Variants in KIFAP3 observed in about 807,000 individuals in gnomAD.
KIFAP3 encodes the protein kinesin-associated protein 3.
A neutral mutation model predicts 106.5 loss-of-function variants in KIFAP3; 68 were observed. The ratio of observed to expected loss-of-function variants is 0.64; its 90% CI spans 0.53 to 0.78. The LOEUF is 0.78. Ranked by LOEUF, KIFAP3 falls within the 30% of genes least tolerant of loss-of-function variation. KIFAP3 has a pLI of 0.00. For synonymous variants in KIFAP3, 320 were observed against 311.5 expected (o/e 1.03, Z -0.29); for missense variants, 780 against 941.8 (o/e 0.83, Z 2.25).
chr1:169,998,180 T>A (rs1157591882), intron 10 of KIFAP3, among the ~76,000 whole-genome samples: 1 of 151,888 alleles, frequency 6.6e-6, no homozygotes, highest in Non-Finnish European at 1.5e-5. Flanking sequence ...GTCATGGAGA[T>A]GATGGGCTAT....
chr1:170,035,392 T>A, intron 6 of KIFAP3, 62 bp downstream of exon 6: 2 of 984,248 alleles, frequency 2.0e-6, no homozygotes, highest in South Asian at 3.4e-5. Context: ...ATTGAATCAA[T>A]GACACAGACA....
In KIFAP3 at chr1:169,921,714, G is replaced by A. The variant is rs766097860; in HGVS notation, c.2341C>T (p.Arg781Cys). Residue 781 changes from arginine to cysteine, a missense_variant, in exon 20 of 20, where the codon CGC (arginine) becomes TGC (cysteine). This residue lies in a region of KIFAP3 where 114 missense variants were observed against 122.3 expected (regional missense o/e 0.93). Transcript: ENST00000361580. Reference protein sequence around the residue: ...LGRPATAYGFRPDEPYYYGYG... With the variant: ...LGRPATAYGFCPDEPYYYGYG... The stretch of plus-strand genomic sequence containing the variant: ...CCATAGTAGTAAGGTTCATCAGGGC[G>A]GAATCCATATGCTGTGGCAGGGCGT... The A allele has an allele frequency of 1.8e-5, 29 of 1,613,602 alleles. No individual in the cohort carries two copies. Among genetic ancestry groups the A allele is most frequent in the South Asian group, 8.8e-5 (8 of 91,064 alleles).
At position 169,972,949 on chromosome 1, in the gene KIFAP3, T is replaced by A. The variant is rs142311502; in HGVS notation, c.1898-351A>T. Among the ~76,000 whole-genome samples, 64 of 151,328 alleles carry A rather than the reference T, an allele frequency of 4.2e-4. 3 individuals are homozygous for A. The East Asian group carries it at 0.012, about 29-fold the overall frequency. On this transcript the variant is annotated intron_variant, in intron 16 of 19. Transcript: ENST00000361580. ...GTAGCTATAAATGCTTCTTGATCTA[T>A]CCTGCTCTCCTAAAAATTCAGGAAA...
At chr1:169,929,161 ATTAAAT>A (rs1403634330) in intron 19 of KIFAP3, among the ~76,000 whole-genome samples, 1 of 152,208 alleles carries the variant, frequency 6.6e-6, no homozygotes, top group Non-Finnish European at 1.5e-5. Context: ...AGCAAGGATT[ATTAAAT>A]TTAAACTTCT....
intron 19 of KIFAP3, among the ~76,000 whole-genome samples, chr1:169,924,552 T>C (rs1201115565): frequency 2.0e-5 from 3 of 152,178 alleles, no homozygotes; most frequent in African/African-American, 7.2e-5. Flanking sequence ...TTTTGTATTA[T>C]GAAAAATCAA....
chr1:170,043,859 G>A lies in KIFAP3; in HGVS notation c.319+2853C>T, dbSNP rs537262525. 3.3e-5 allele frequency among the ~76,000 whole-genome samples: 5 copies of A among 152,218 alleles called. No homozygotes were observed. The South Asian group carries it at 1.0e-3, about 32-fold the overall frequency. ...GTTGAAATAAAGGCCTTAATTGCTG[G>A]TTCCCCCAATATTAAAGGGTACCAA... is the stretch of plus-strand genomic sequence containing the variant. On this transcript the variant is annotated intron_variant, in intron 3 of 19. Transcript: ENST00000361580.
At chr1:169,991,885 T>C (rs1667123920) in intron 11 of KIFAP3, among the ~76,000 whole-genome samples, 1 of 152,178 alleles carries the variant, frequency 6.6e-6, no homozygotes, top group South Asian at 2.1e-4. Flanking sequence ...TATGTAAATA[T>C]TACATATACC....
chr1:169,946,866 A>G (rs1277400136), intron 19 of KIFAP3, among the ~76,000 whole-genome samples: 1 of 152,002 alleles, frequency 6.6e-6, no homozygotes, highest in Non-Finnish European at 1.5e-5. Flanking sequence ...CACAGAAAGA[A>G]AAAAGGGATT....
chr1:170,017,881 A>G (rs1182903196), intron 9 of KIFAP3, among the ~76,000 whole-genome samples: 1 of 152,240 alleles, frequency 6.6e-6, no homozygotes, highest in East Asian at 1.9e-4. Flanking sequence ...AATGAAGGCA[A>G]AAAATTATTT....
At chr1:170,046,111 C>T (rs867689960) in intron 3 of KIFAP3, among the ~76,000 whole-genome samples, 3 of 148,452 alleles carry the variant, frequency 2.0e-5, no homozygotes, top group Non-Finnish European at 4.4e-5. Flanking sequence ...GTCCAAAACC[C>T]TTAAAAACTC....
At chr1:170,048,834 A>T (rs1670415603) in intron 2 of KIFAP3, among the ~76,000 whole-genome samples, 1 of 152,106 alleles carries the variant, frequency 6.6e-6, no homozygotes, top group African/African-American at 2.4e-5. Flanking sequence ...TGCAGTCCGC[A>T]GATCAGGAGA....
In KIFAP3 at chr1:170,024,178, T is replaced by C. The variant is rs187172331; in HGVS notation, c.1020+240A>G. The C allele has an allele frequency of 1.0e-5, 3 of 292,004 alleles. No homozygotes were observed. In the East Asian group the frequency reaches 1.8e-4, roughly 17 times the overall value. The allele number at this position is 292,004 out of a possible 1,614,324, so 18.1% of individuals were successfully genotyped here. ...CAAACTTTCTATATATTATGTTTAA[T>C]ATGGCAAGATCCATTCTATATATTA... is the stretch of plus-strand genomic sequence containing the variant. On this transcript the variant is annotated intron_variant, in intron 9 of 19. Coordinates refer to ENST00000361580, the MANE Select transcript of KIFAP3 (RefSeq NM_014970.4).
At chr1:169,960,389 G>A (rs943481540) in intron 18 of KIFAP3, among the ~76,000 whole-genome samples, 1 of 151,912 alleles carries the variant, frequency 6.6e-6, no homozygotes. Context: ...ATTAATGTTG[G>A]CAACAGTACA....
At chr1:169,998,126 C>T (rs950300405) in intron 10 of KIFAP3, among the ~76,000 whole-genome samples, 1 of 151,798 alleles carries the variant, frequency 6.6e-6, no homozygotes, top group Non-Finnish European at 1.5e-5. Context: ...TTTCAGGTTT[C>T]CTTCTTTTAA....
chr1:169,989,644 A>T (rs1316565701), intron 11 of KIFAP3, among the ~76,000 whole-genome samples: 1 of 152,042 alleles, frequency 6.6e-6, no homozygotes, highest in African/African-American at 2.4e-5. Context: ...TTATCTCTAT[A>T]AGACACCTGC....
intron 19 of KIFAP3, among the ~76,000 whole-genome samples, chr1:169,925,744 G>A (rs374563441): frequency 6.6e-6 from 1 of 152,066 alleles, no homozygotes; most frequent in Admixed American, 6.6e-5. Context: ...AAATTTCTGG[G>A]CCAGAGTTGA....
upstream of KIFAP3, among the ~76,000 whole-genome samples, chr1:170,076,525 TACTC>T (rs1408615863): frequency 1.2e-4 from 18 of 152,276 alleles, no homozygotes; most frequent in Admixed American, 8.5e-4. Context: ...TCCATAATGA[TACTC>T]AACAACATAG....
At chr1:169,938,119 TAAG>T (rs1252255101) in intron 19 of KIFAP3, among the ~76,000 whole-genome samples, 1 of 151,950 alleles carries the variant, frequency 6.6e-6, no homozygotes, top group Admixed American at 6.6e-5. Flanking sequence ...TGGGACATTA[TAAG>T]AGTTGCTTTT....
chr1:170,069,630 G>C (rs1396477878), intron 1 of KIFAP3, among the ~76,000 whole-genome samples: 1 of 152,006 alleles, frequency 6.6e-6, no homozygotes. Context: ...CATGATAAAA[G>C]TACTTGATAA....
Sources: allele counts gnomAD v4.1 joint callset (sites outside exome capture counted in the v4.1 genomes callset), GRCh38; gene constraint gnomAD v4.1.1; regional missense constraint gnomAD v4.1.1; transcripts MANE v1.5; gene names NCBI Gene and HGNC (gene_info 2026-07-23, HGNC 2026-07-21).